PPFIA2: variants seen among roughly 807,000 people sequenced by gnomAD.
The protein encoded by PPFIA2 is PPFI scaffold protein A2.
In PPFIA2, 46 loss-of-function variants were observed where a neutral mutation model predicts 175.5. That is an observed-to-expected ratio of 0.26 (90% confidence interval 0.21 to 0.34). The LOEUF (loss-of-function observed/expected upper bound fraction) is 0.34. PPFIA2 is among the 10% of genes least tolerant of loss of function. The probability of loss-of-function intolerance (pLI) is 1.00; values close to 1 mark genes in which losing one functional copy is unlikely to be tolerated. For missense variants in PPFIA2, 1,179 were observed against 1,506.1 expected, an observed-to-expected ratio of 0.78 and a Z score of 3.60; for synonymous variants, 568 against 511.4, an observed-to-expected ratio of 1.11 and a Z score of -1.49.
intron 6 of PPFIA2, among the ~76,000 whole-genome samples, chr12:81,442,710 A>T (rs972288050): frequency 2.5e-4 from 37 of 150,380 alleles, no homozygotes; most frequent in African/African-American, 8.0e-4. Flanking sequence ...GATGAAAATT[A>T]TGAATCACTG....
intron 22 of PPFIA2, among the ~76,000 whole-genome samples, chr12:81,315,545 A>G (rs1566092970): frequency 6.6e-6 from 1 of 151,746 alleles, no homozygotes; most frequent in Non-Finnish European, 1.5e-5. Context: ...CAAAGGTGGG[A>G]AGACTGTGAT....
intron 4 of PPFIA2, among the ~76,000 whole-genome samples, chr12:81,500,135 A>T (rs933875630): frequency 8.5e-5 from 13 of 152,132 alleles, no homozygotes; most frequent in Admixed American, 2.0e-4. Flanking sequence ...ACACGCACTT[A>T]TCTTCCCCCT....
intron 4 of PPFIA2, among the ~76,000 whole-genome samples, chr12:81,615,725 G>A (rs2061372657): frequency 6.6e-6 from 1 of 152,112 alleles, no homozygotes; most frequent in Admixed American, 6.6e-5. Context: ...AAAATAAATG[G>A]GAGGAGAGAA....
chr12:81,692,149 G>A (rs1197156790), intron 3 of PPFIA2, among the ~76,000 whole-genome samples: 1 of 144,570 alleles, frequency 6.9e-6, no homozygotes, highest in African/African-American at 2.5e-5. Context: ...CTGTCTGGGG[G>A]AAGTTGCCAC....
At chr12:81,605,509 T>G (rs1595529776) in intron 4 of PPFIA2, among the ~76,000 whole-genome samples, 1 of 151,806 alleles carries the variant, frequency 6.6e-6, no homozygotes, top group Non-Finnish European at 1.5e-5. Context: ...AAGCAAACAT[T>G]CAGTTAAAAT....
chr12:81,438,693 T>C (rs1033708504), intron 7 of PPFIA2, among the ~76,000 whole-genome samples: 29 of 152,264 alleles, frequency 1.9e-4, no homozygotes, highest in African/African-American at 6.7e-4. Flanking sequence ...TGATCCATAA[T>C]AGATGTACAT....
chr12:81,341,414 A>T (rs919533279), intron 19 of PPFIA2, among the ~76,000 whole-genome samples: 1 of 145,622 alleles, frequency 6.9e-6, no homozygotes, highest in Non-Finnish European at 1.5e-5. Context: ...CATTAAAATT[A>T]AAAAAAAATC....
intron 4 of PPFIA2, among the ~76,000 whole-genome samples, chr12:81,588,505 C>T (rs977709974): frequency 6.6e-6 from 1 of 151,996 alleles, no homozygotes; most frequent in African/African-American, 2.4e-5. Flanking sequence ...CTCAGGCAGA[C>T]CTCTTTCCTG....
intron 7 of PPFIA2, among the ~76,000 whole-genome samples, chr12:81,415,171 T>A (rs1428845798): frequency 1.2e-5 from 1 of 84,826 alleles, no homozygotes; most frequent in Non-Finnish European, 2.3e-5. Flanking sequence ...TTTATCTTGG[T>A]TCAGGTAAAA....
Position 81,499,315 on chromosome 12 carries a change from T to A in PPFIA2, c.304-41449A>T, listed in dbSNP as rs143460011. Among the ~76,000 whole-genome samples, 1,147 of 152,302 alleles carry A rather than the reference T, an allele frequency of 7.5e-3. 14 individuals carry two copies. Among genetic ancestry groups the A allele is most frequent in the African/African-American group, 0.025 (1,054 of 41,570 alleles). ...CTTTCGTTCCAGTTAAGAAAATTGA[T>A]GATAATCTCAAAAAAGGGGCTATTA... On this transcript the variant is annotated intron_variant, in intron 4 of 32. Transcript: ENST00000549396.
chr12:81,625,571 G>C (rs1334415853), intron 4 of PPFIA2, among the ~76,000 whole-genome samples: 1 of 151,562 alleles, frequency 6.6e-6, no homozygotes, highest in Non-Finnish European at 1.5e-5. Flanking sequence ...TGTGTCACTA[G>C]GTAAGATACT....
chr12:81,444,588 C>G (rs1042489619), intron 6 of PPFIA2, among the ~76,000 whole-genome samples: 1 of 152,080 alleles, frequency 6.6e-6, no homozygotes, highest in Non-Finnish European at 1.5e-5. Flanking sequence ...CTTCTTAATA[C>G]TCTAGAAGAC....
chr12:81,327,921 A>G (rs1404964777), intron 21 of PPFIA2, among the ~76,000 whole-genome samples: 1 of 152,170 alleles, frequency 6.6e-6, no homozygotes, highest in African/African-American at 2.4e-5. Flanking sequence ...AAAGCATTTG[A>G]TAGATAACTG....
chr12:81,753,101 A>AT (rs2084085876), intron 3 of PPFIA2, among the ~76,000 whole-genome samples: 1 of 151,830 alleles, frequency 6.6e-6, no homozygotes, highest in Non-Finnish European at 1.5e-5. Flanking sequence ...CACCCAGCTA[A>AT]TTTTTTGTAT....
intron 25 of PPFIA2, among the ~76,000 whole-genome samples, chr12:81,283,422 G>A (rs2042545547): frequency 6.6e-6 from 1 of 151,788 alleles, no homozygotes; most frequent in Non-Finnish European, 1.5e-5. Flanking sequence ...AAGTAAATTA[G>A]TGAAGTGAAA....
chr12:81,433,957 A>C (rs1006305762), intron 7 of PPFIA2, among the ~76,000 whole-genome samples: 6 of 152,182 alleles, frequency 3.9e-5, no homozygotes, highest in Admixed American at 3.3e-4. Flanking sequence ...TTCATTAAAG[A>C]GGTGACATCT....
At chr12:81,382,112 A>G (rs1218601289) in intron 9 of PPFIA2, among the ~76,000 whole-genome samples, 2 of 152,110 alleles carry the variant, frequency 1.3e-5, no homozygotes, top group Non-Finnish European at 2.9e-5. Flanking sequence ...GAAGAGGGAG[A>G]GTGTATATGT....
At chr12:81,428,812 G>A (rs1469794308) in intron 7 of PPFIA2, among the ~76,000 whole-genome samples, 3 of 151,940 alleles carry the variant, frequency 2.0e-5, no homozygotes, top group Admixed American at 1.3e-4. Context: ...TTCCCAATAA[G>A]TGGGTCTTTT....
chr12:81,376,022 A>G, intron 9 of PPFIA2, 80 bp from the exon 10 acceptor site: 1 of 1,282,632 alleles, frequency 7.8e-7, no homozygotes, highest in Non-Finnish European at 1.1e-6. Context: ...AATAAAAAAG[A>G]AACATAAAAA....
Sources: gnomAD v4.1 joint callset for allele counts (sites outside exome capture counted in the v4.1 genomes callset) on GRCh38, gnomAD v4.1.1 for gene constraint, MANE v1.5 for transcripts, NCBI Gene and HGNC (gene_info 2026-07-23, HGNC 2026-07-21) for gene names.